The following SLC25A21 variants were observed in gnomAD, a reference collection of about 807,000 sequenced individuals.
SLC25A21 encodes the protein solute carrier family 25 member 21, also known as mitochondrial 2-oxodicarboxylate carrier.
SLC25A21 carries 47 observed loss-of-function variants against 43.8 expected under a neutral mutation model. The ratio of observed to expected loss-of-function variants is 1.07; its 90% CI spans 0.85 to 1.37. The LOEUF is 1.37. Among genes scored for constraint, SLC25A21 ranks in the 40% most tolerant of loss-of-function variants. The pLI is 0.00. For missense variants in SLC25A21, 352 were observed against 350.2 expected (o/e 1.00, Z -0.04); for synonymous variants, 131 against 121.3 (o/e 1.08, Z -0.52).
intron 1 of SLC25A21, among the ~76,000 whole-genome samples, chr14:37,067,402 G>A (rs1314148094): frequency 6.6e-6 from 1 of 152,118 alleles, no homozygotes; most frequent in Admixed American, 6.5e-5. Flanking sequence ...TATATACATA[G>A]GTATTAAATG....
chr14:37,162,268 A>G (rs1963957174), intron 1 of SLC25A21, among the ~76,000 whole-genome samples: 1 of 152,170 alleles, frequency 6.6e-6, no homozygotes, highest in Admixed American at 6.5e-5. Flanking sequence ...CTTTAGTTTA[A>G]TTAGATCCGA....
intron 1 of SLC25A21, among the ~76,000 whole-genome samples, chr14:37,143,509 A>C (rs117293028): frequency 1.3e-4 from 20 of 152,342 alleles, no homozygotes; most frequent in Non-Finnish European, 2.1e-4. Context: ...AGAGTAACAT[A>C]ATAATAATGT....
At chr14:36,869,321 T>C (rs1002487981) in intron 2 of SLC25A21, among the ~76,000 whole-genome samples, 1 of 152,092 alleles carries the variant, frequency 6.6e-6, no homozygotes, top group Non-Finnish European at 1.5e-5. Flanking sequence ...AACAAAAGAA[T>C]AATAATTATC....
chr14:36,792,038 T>A (rs1887504375), intron 3 of SLC25A21, among the ~76,000 whole-genome samples: 1 of 152,158 alleles, frequency 6.6e-6, no homozygotes. Context: ...TAAAAAGACA[T>A]TACAAATTGT....
intron 2 of SLC25A21, 67 bp from the exon 3 acceptor site, chr14:36,814,068 A>G: frequency 9.6e-7 from 1 of 1,037,726 alleles, no homozygotes; most frequent in Non-Finnish European, 1.5e-6. Flanking sequence ...CTCATTTTTT[A>G]AAGTCTTAGA....
rs76438711 is a variant in SLC25A21 at position 37,122,188 on chromosome 14, A to T, written c.70+50093T>A. Among the ~76,000 whole-genome samples the T allele has an allele frequency of 5.0e-3, 767 of 152,310 alleles. 14 individuals are homozygous for T. The East Asian group carries it at 0.054, about 11-fold the overall frequency. ...GCAGGACTAATGTCCTACCAAACAC[A>T]CTTTGGAAAATATGCTTTAGGTTAA... is the stretch of plus-strand genomic sequence containing the variant. On this transcript the variant is annotated intron_variant, in intron 1 of 9. Transcript: ENST00000331299.
intron 2 of SLC25A21, among the ~76,000 whole-genome samples, chr14:36,817,378 G>A (rs1166678900): frequency 6.6e-6 from 1 of 152,154 alleles, no homozygotes; most frequent in Admixed American, 6.5e-5. Context: ...GAGTCAGAGA[G>A]TAAATCAGGA....
At chr14:37,050,246 AAC>A (rs1217956123) in intron 1 of SLC25A21, among the ~76,000 whole-genome samples, 2 of 152,218 alleles carry the variant, frequency 1.3e-5, no homozygotes, top group Non-Finnish European at 1.5e-5. Flanking sequence ...AAGAACATTA[AAC>A]ACACACACAT....
chr14:36,746,829 T>C (rs1885519399), intron 3 of SLC25A21, among the ~76,000 whole-genome samples: 1 of 152,184 alleles, frequency 6.6e-6, no homozygotes. Context: ...TAGGATCCTA[T>C]TGTCCAAAAT....
intron 1 of SLC25A21, among the ~76,000 whole-genome samples, chr14:37,162,261 T>C (rs1047767981): frequency 1.3e-5 from 2 of 152,208 alleles, no homozygotes; most frequent in African/African-American, 2.4e-5. Flanking sequence ...AGAAGCTCTT[T>C]AGTTTAATTA....
At chr14:36,980,835 C>T (rs901926959) in intron 1 of SLC25A21, among the ~76,000 whole-genome samples, 10 of 152,160 alleles carry the variant, frequency 6.6e-5, no homozygotes, top group African/African-American at 2.4e-4. Flanking sequence ...GCCAAATTGA[C>T]AAATGGAATC....
intron 1 of SLC25A21, among the ~76,000 whole-genome samples, chr14:37,055,504 C>A (rs1470977841): frequency 6.6e-6 from 1 of 152,100 alleles, no homozygotes; most frequent in Non-Finnish European, 1.5e-5. Flanking sequence ...GAAGAGACAC[C>A]ATAGAACTTC....
intron 2 of SLC25A21, among the ~76,000 whole-genome samples, chr14:36,834,605 T>C (rs1889146239): frequency 6.6e-6 from 1 of 152,136 alleles, no homozygotes; most frequent in African/African-American, 2.4e-5. Flanking sequence ...CCCTCCCAAC[T>C]GCCCTTACAC....
chr14:36,683,716 TTC>T (rs1882397012), intron 9 of SLC25A21, 110 bp downstream of exon 9: 6 of 681,800 alleles, frequency 8.8e-6, no homozygotes, highest in Non-Finnish European at 1.5e-5. Context: ...TTCTCAAGGT[TTC>T]TGTCTTTTAC....
At chr14:36,727,611 C>T (rs1884653129) in intron 5 of SLC25A21, among the ~76,000 whole-genome samples, 1 of 152,026 alleles carries the variant, frequency 6.6e-6, no homozygotes, top group Admixed American at 6.6e-5. Context: ...TCACTGGAAC[C>T]CAGGAGGCGG....
At chr14:36,804,854 C>T (rs570672195) in intron 3 of SLC25A21, among the ~76,000 whole-genome samples, 2 of 152,088 alleles carry the variant, frequency 1.3e-5, no homozygotes, top group Non-Finnish European at 2.9e-5. Context: ...TGAAAATGTT[C>T]GGTTTTAACG....
intron 1 of SLC25A21, among the ~76,000 whole-genome samples, chr14:37,041,792 G>A (rs1370790447): frequency 6.6e-6 from 1 of 152,144 alleles, no homozygotes. Context: ...CAGATGACAA[G>A]GTGGATACAT....
chr14:36,898,293 A>G (rs1891302129), intron 1 of SLC25A21, among the ~76,000 whole-genome samples: 1 of 152,170 alleles, frequency 6.6e-6, no homozygotes, highest in South Asian at 2.1e-4. Context: ...CTGCTGTGCT[A>G]GCAATGAGCG....
chr14:36,907,672 T>C (rs1891572969), intron 1 of SLC25A21, among the ~76,000 whole-genome samples: 1 of 152,114 alleles, frequency 6.6e-6, no homozygotes, highest in African/African-American at 2.4e-5. Flanking sequence ...AAGCATCAGA[T>C]GGAACTAAGA....
Sources: gnomAD v4.1 joint callset for allele counts (sites outside exome capture counted in the v4.1 genomes callset) on GRCh38, gnomAD v4.1.1 for gene constraint, MANE v1.5 for transcripts, NCBI Gene and HGNC (gene_info 2026-07-23, HGNC 2026-07-21) for gene names.